The following CLIC5 variants were observed in gnomAD, a reference collection of about 807,000 sequenced individuals.
The protein encoded by CLIC5 is CLIC family member 5, also known as chloride intracellular channel protein 5.
Under a neutral mutation model 24.7 loss-of-function variants are expected in CLIC5, and 20 were observed. The observed-to-expected ratio is 0.81, with a 90% confidence interval of 0.57 to 1.18. The LOEUF (loss-of-function observed/expected upper bound fraction) is 1.18. Among genes scored for constraint, CLIC5 ranks in the 50% most tolerant of loss-of-function variants. The probability of loss-of-function intolerance (pLI) is 0.00; values close to 1 mark genes in which losing one functional copy is unlikely to be tolerated. For synonymous variants in CLIC5, 159 were observed against 135.6 expected, an observed-to-expected ratio of 1.17 and a Z score of -1.20; for missense variants, 341 against 326.1, an observed-to-expected ratio of 1.05 and a Z score of -0.35.
chr6:46,015,681 T>G lies in CLIC5; in HGVS notation c.-139A>C. ...GTTTAATTTTTCACAAAACCATCTA[T>G]TCTCCAGCCCGAGCAGCGGGGTCTG... is the stretch of plus-strand genomic sequence containing the variant. On this transcript the variant is annotated 5_prime_UTR_variant, in exon 1 of 6. Coordinates refer to ENST00000339561, the MANE Select transcript of CLIC5 (RefSeq NM_016929.5). 7.7e-7 allele frequency: 1 copy of G among 1,291,522 alleles called. No homozygotes were observed. Among genetic ancestry groups the G allele is most frequent in the Non-Finnish European group, 9.9e-7 (1 of 1,013,498 alleles). The allele number at this position is 1,291,522 out of a possible 1,614,324, so 80.0% of individuals were successfully genotyped here. A position where few individuals can be genotyped will look rare whatever the true frequency, so the allele number is the denominator to read the frequency against.
intron 4 of CLIC5, among the ~76,000 whole-genome samples, chr6:45,926,669 C>T (rs1763512111): frequency 6.6e-6 from 1 of 152,000 alleles, no homozygotes; most frequent in African/African-American, 2.4e-5. Context: ...TAGAATTTAG[C>T]CTTCTGTGTT....
At chr6:46,116,726 T>C in the CLIC5 span, among the ~76,000 whole-genome samples, 1 of 152,188 alleles carries the variant, frequency 6.6e-6, no homozygotes, top group Non-Finnish European at 1.5e-5. Context: ...ATATCCTCTT[T>C]GTTCATTCAG....
At chr6:45,911,950 C>A in intron 5 of CLIC5, 2 of 985,510 alleles carry the variant, frequency 2.0e-6, no homozygotes, top group Non-Finnish European at 2.4e-6. Context: ...TCATGGAGAG[C>A]CTGGGCCAGA....
At chr6:46,052,438 A>G (rs1768129865) in intron 1 of CLIC5, among the ~76,000 whole-genome samples, 1 of 152,254 alleles carries the variant, frequency 6.6e-6, no homozygotes, top group African/African-American at 2.4e-5. Context: ...GTCACCAATG[A>G]CAAGGGTTGT....
intron 1 of CLIC5, among the ~76,000 whole-genome samples, chr6:46,063,419 A>T (rs915572483): frequency 6.6e-6 from 1 of 152,210 alleles, no homozygotes; most frequent in Admixed American, 6.5e-5. Context: ...TAGGAATAGG[A>T]TACACGGGAC....
chr6:46,110,386 GT>G, the CLIC5 span, among the ~76,000 whole-genome samples: 1 of 152,122 alleles, frequency 6.6e-6, no homozygotes, highest in Non-Finnish European at 1.5e-5. Flanking sequence ...CTGGTGTTGG[GT>G]CTGATCACCC....
intron 1 of CLIC5, among the ~76,000 whole-genome samples, chr6:46,007,346 T>C (rs899638118): frequency 2.0e-5 from 3 of 152,222 alleles, no homozygotes; most frequent in African/African-American, 7.2e-5. Flanking sequence ...ATCACCATTC[T>C]AGATGTGGAC....
rs754203716 is a variant in CLIC5, at chr6:45,941,519, G to GGGTTCTT, written c.406+21_406+27dup. On this transcript the variant is annotated intron_variant, in intron 4 of 5. Coordinates refer to ENST00000339561, the MANE Select transcript of CLIC5 (RefSeq NM_016929.5). ...TGGGCAGCAGATAGACCACTGCCAAGGGTTCTTGGTGGAAGGGAGTCACTC... is the reference window on the plus strand; with the variant it reads ...TGGGCAGCAGATAGACCACTGCCAAGGGTTCTTGGTTCTTGGTGGAAGGGAGTCACTC... 8 of 1,544,460 alleles carry GGGTTCTT rather than the reference G, an allele frequency of 5.2e-6. No individual in the cohort carries two copies. In the South Asian group the frequency reaches 6.7e-5, roughly 13 times the overall value.
intron 2 of CLIC5, among the ~76,000 whole-genome samples, chr6:45,951,739 C>T (rs913380129): frequency 2.6e-5 from 4 of 151,814 alleles, no homozygotes; most frequent in Admixed American, 6.6e-5. Context: ...TTGTGGGAGT[C>T]GGGAGTGGAA....
intron 5 of CLIC5, 132 bp downstream of exon 5, chr6:45,914,096 G>C: frequency 1.6e-6 from 1 of 636,946 alleles, no homozygotes; most frequent in Non-Finnish European, 2.3e-6. Context: ...GTGACCTTGG[G>C]TCCTTATTAC....
chr6:46,051,545 T>C (rs1464024650), intron 1 of CLIC5, among the ~76,000 whole-genome samples: 1 of 152,178 alleles, frequency 6.6e-6, no homozygotes, highest in African/African-American at 2.4e-5. Context: ...TCTGTGTTTT[T>C]CCCTGTGATT....
At chr6:46,023,948 T>C (rs1412636679) in intron 1 of CLIC5, among the ~76,000 whole-genome samples, 1 of 151,842 alleles carries the variant, frequency 6.6e-6, no homozygotes, top group Admixed American at 6.6e-5. Flanking sequence ...CCTACACATC[T>C]GATTTTCTTT....
the CLIC5 span, among the ~76,000 whole-genome samples, chr6:46,108,500 G>A: frequency 2.6e-5 from 4 of 151,896 alleles, no homozygotes; most frequent in South Asian, 2.1e-4. Flanking sequence ...GGGTTCAAGC[G>A]ATTCTCCTGC....
intron 2 of CLIC5, among the ~76,000 whole-genome samples, chr6:45,953,497 G>A (rs572619604): frequency 4.6e-5 from 7 of 152,218 alleles, no homozygotes; most frequent in African/African-American, 7.2e-5. Context: ...GACAGAGGAT[G>A]CAGTTCTGCC....
the CLIC5 span, among the ~76,000 whole-genome samples, chr6:46,111,133 T>C: frequency 2.0e-5 from 3 of 152,172 alleles, no homozygotes; most frequent in Admixed American, 6.5e-5. Flanking sequence ...TGTTTTCACA[T>C]TTTTCTTCTA....
chr6:46,050,220 T>G (rs1289637757), intron 1 of CLIC5, among the ~76,000 whole-genome samples: 4 of 152,198 alleles, frequency 2.6e-5, no homozygotes, highest in Non-Finnish European at 5.9e-5. Context: ...GTTAATCTGT[T>G]CAGTTGAAAG....
chr6:45,984,443 C>T (rs190810464), intron 1 of CLIC5, among the ~76,000 whole-genome samples: 342 of 152,248 alleles, frequency 2.2e-3, no homozygotes, highest in African/African-American at 7.1e-3. Flanking sequence ...GGCTTTGAGA[C>T]GAGACAGTTG....
the CLIC5 span, among the ~76,000 whole-genome samples, chr6:46,092,875 T>A: frequency 6.6e-6 from 1 of 152,196 alleles, no homozygotes; most frequent in Non-Finnish European, 1.5e-5. Context: ...TCTCCTTTAA[T>A]AAATGAACAT....
chr6:45,973,672 C>T (rs1283226640), intron 1 of CLIC5, among the ~76,000 whole-genome samples: 2 of 152,202 alleles, frequency 1.3e-5, no homozygotes, highest in African/African-American at 2.4e-5. Flanking sequence ...GGCACAGTGG[C>T]CCATGCCTGT....
Sources: allele counts gnomAD v4.1 joint callset (sites outside exome capture counted in the v4.1 genomes callset), GRCh38; gene constraint gnomAD v4.1.1; transcripts MANE v1.5; gene names NCBI Gene and HGNC (gene_info 2026-07-23, HGNC 2026-07-21).